Variants in CENPP observed in about 807,000 individuals in gnomAD.
CENPP encodes the protein centromere protein P.
Under a neutral mutation model 35.6 loss-of-function variants are expected in CENPP, and 24 were observed. That is an observed-to-expected ratio of 0.67 (90% CI 0.49 to 0.95). CENPP has a LOEUF of 0.95. CENPP is among the 40% of genes least tolerant of loss of function. The probability of loss-of-function intolerance (pLI) is 0.00; values close to 1 mark genes in which losing one functional copy is unlikely to be tolerated. For synonymous variants in CENPP, 120 were observed against 125.5 expected (o/e 0.96, Z 0.29); for missense variants, 332 against 345.3 (o/e 0.96, Z 0.31).
At chr9:92,496,071 T>C (rs1588179843) in intron 5 of CENPP, 1 of 1,126,860 alleles carries the variant, frequency 8.9e-7, no homozygotes, top group Admixed American at 5.1e-5. Context: ...TATCCTATTC[T>C]AGTGAGATGG....
At chr9:92,511,724 A>G (rs1847356493) in intron 5 of CENPP, among the ~76,000 whole-genome samples, 1 of 152,220 alleles carries the variant, frequency 6.6e-6, no homozygotes, top group Non-Finnish European at 1.5e-5. Flanking sequence ...ACCAGATTTT[A>G]GCATGTTTTC....
At chr9:92,499,913 G>A (rs541197283) in intron 5 of CENPP, among the ~76,000 whole-genome samples, 8 of 152,122 alleles carry the variant, frequency 5.3e-5, no homozygotes, top group Non-Finnish European at 1.0e-4. Flanking sequence ...TGCCATCTAG[G>A]CAGGAGTGAT....
rs140122769 is a variant in CENPP at position 92,523,725 on chromosome 9, G to A, written c.565-87589G>A. ...ACTTATTGGAGAGTAGCTAGTAGGA[G>A]CGGGCTTAACTAGGAGCCTGTACGT... On this transcript the variant is annotated intron_variant, in intron 5 of 7. Transcript: ENST00000375587. 3.7e-3 allele frequency among the ~76,000 whole-genome samples: 567 copies of A among 152,342 alleles called. 3 individuals are homozygous for A. The highest frequency in any genetic ancestry group is 0.012 in the African/African-American group (505 of 41,572).
chr9:92,533,898 A>C (rs1849010802), intron 5 of CENPP, among the ~76,000 whole-genome samples: 1 of 151,912 alleles, frequency 6.6e-6, no homozygotes, highest in South Asian at 2.1e-4. Flanking sequence ...CTTTGTAAGA[A>C]ATTTTTTTTC....
At chr9:92,341,690 AGCC>A (rs371528187) in intron 3 of CENPP, 7 of 152,350 alleles carry the variant, frequency 4.6e-5, no homozygotes, top group African/African-American at 1.7e-4. Context: ...GGGCCTGGGC[AGCC>A]GCCCCAGGGC....
chr9:92,436,428 C>G (rs965565127), intron 5 of CENPP, among the ~76,000 whole-genome samples: 1 of 152,080 alleles, frequency 6.6e-6, no homozygotes. Flanking sequence ...TTTATTGATT[C>G]TTTTTTCTTT....
At chr9:92,454,853 C>CT (rs1844828065) in intron 5 of CENPP, among the ~76,000 whole-genome samples, 1 of 152,184 alleles carries the variant, frequency 6.6e-6, no homozygotes, top group Admixed American at 6.5e-5. Flanking sequence ...TCTAGCACTA[C>CT]TGGTGGTGAA....
intron 5 of CENPP, among the ~76,000 whole-genome samples, chr9:92,534,976 G>C (rs887065668): frequency 2.6e-5 from 4 of 152,148 alleles, no homozygotes; most frequent in African/African-American, 9.7e-5. Context: ...CATCCTGAAA[G>C]CACTCACTTA....
intron 2 of CENPP, among the ~76,000 whole-genome samples, chr9:92,337,054 A>G (rs965674857): frequency 1.3e-5 from 2 of 152,262 alleles, no homozygotes; most frequent in Non-Finnish European, 2.9e-5. Flanking sequence ...GCAGTGGCTC[A>G]TGCCAGTAAT....
intron 5 of CENPP, among the ~76,000 whole-genome samples, chr9:92,533,034 C>T (rs1848896145): frequency 6.6e-6 from 1 of 151,774 alleles, no homozygotes; most frequent in Admixed American, 6.6e-5. Flanking sequence ...TGCGGTGGCT[C>T]AAGTCTGTAA....
chr9:92,386,185 A>G, intron 5 of CENPP: 1 of 1,542,508 alleles, frequency 6.5e-7, no homozygotes, highest in Non-Finnish European at 9.0e-7. Flanking sequence ...AGATATTGTG[A>G]AAGGAACTAT....
intron 5 of CENPP, among the ~76,000 whole-genome samples, chr9:92,430,745 G>C (rs1284496652): frequency 1.3e-5 from 2 of 151,980 alleles, no homozygotes; most frequent in Admixed American, 6.6e-5. Flanking sequence ...GATTTCCACT[G>C]TTCATTTTAG....
chr9:92,603,119 C>T (rs1049734099), intron 5 of CENPP, among the ~76,000 whole-genome samples: 4 of 152,190 alleles, frequency 2.6e-5, no homozygotes, highest in Admixed American at 1.3e-4. Flanking sequence ...ACGACTGAGG[C>T]TCAGAGAGTT....
chr9:92,598,714 A>G (rs1366972808), intron 5 of CENPP, among the ~76,000 whole-genome samples: 1 of 151,814 alleles, frequency 6.6e-6, no homozygotes, highest in Non-Finnish European at 1.5e-5. Flanking sequence ...TGAAATTTAA[A>G]TATTCAGTTA....
intron 5 of CENPP, among the ~76,000 whole-genome samples, chr9:92,550,546 G>T (rs76907808): frequency 3.4e-5 from 5 of 148,024 alleles, no homozygotes; most frequent in African/African-American, 1.2e-4. Flanking sequence ...TCTTAGACCT[G>T]TTTTTTTTTT....
intron 6 of CENPP, among the ~76,000 whole-genome samples, chr9:92,612,041 G>C (rs563448659): frequency 6.6e-6 from 1 of 151,228 alleles, no homozygotes; most frequent in African/African-American, 2.4e-5. Flanking sequence ...TCCTCCCGGA[G>C]GGGATCATAC....
In CENPP at chr9:92,613,137, G is replaced by A; in HGVS notation, c.855G>A (p.Glu285=). 1.9e-6 allele frequency: 3 copies of A among 1,614,094 alleles called. No homozygotes were observed. The highest frequency in any genetic ancestry group is 1.7e-6 in the Non-Finnish European group (2 of 1,179,924). ...LESLIKSLCA[E]ENN ...GCCTGATAAAATCGCTTTGTGCAGA[G>A]GAGAACAACTAGTTCCAAAACAGTG... Residue 285 remains glutamate (E), a synonymous_variant, in exon 8 of 8, where the codon GAG becomes GAA. Coordinates refer to ENST00000375587, the MANE Select transcript of CENPP (RefSeq NM_001012267.3).
At chr9:92,371,548 A>C (rs1321283327) in intron 4 of CENPP, among the ~76,000 whole-genome samples, 1 of 152,160 alleles carries the variant, frequency 6.6e-6, no homozygotes, top group Non-Finnish European at 1.5e-5. Context: ...GTCCTGTAGA[A>C]CGTTCTACGT....
intron 5 of CENPP, among the ~76,000 whole-genome samples, chr9:92,480,440 T>G (rs1447554092): frequency 2.0e-5 from 3 of 152,232 alleles, no homozygotes; most frequent in Non-Finnish European, 4.4e-5. Flanking sequence ...CTAGACTGCA[T>G]GTCCTCCTAA....
Sources: gnomAD v4.1 joint callset for allele counts (sites outside exome capture counted in the v4.1 genomes callset) on GRCh38, gnomAD v4.1.1 for gene constraint, MANE v1.5 for transcripts, NCBI Gene and HGNC (gene_info 2026-07-23, HGNC 2026-07-21) for gene names.